Variants in TASP1 observed in about 807,000 individuals in gnomAD.
TASP1 encodes taspase 1.
In TASP1, 16 loss-of-function variants were observed where a neutral mutation model predicts 56.6. That is an observed-to-expected ratio of 0.28 (90% CI 0.19 to 0.43). The LOEUF (loss-of-function observed/expected upper bound fraction) is 0.43, where lower values mean the gene tolerates loss of function less well. TASP1 is among the 20% of genes least tolerant of loss of function. The pLI, the probability that TASP1 is intolerant of heterozygous loss-of-function variation, is 1.00. For missense variants in TASP1, 393 were observed against 511.6 expected (o/e 0.77, Z 2.24); for synonymous variants, 179 against 184.2 (o/e 0.97, Z 0.23).
chr20:13,550,907 G>T (rs2147007711), intron 8 of TASP1, among the ~76,000 whole-genome samples: 1 of 152,148 alleles, frequency 6.6e-6, no homozygotes, highest in African/African-American at 2.4e-5. Flanking sequence ...TATTTTCTTT[G>T]ATCTTAGCCT....
chr20:13,204,544 T>G, the TASP1 span, among the ~76,000 whole-genome samples: 1 of 151,004 alleles, frequency 6.6e-6, no homozygotes, highest in Non-Finnish European at 1.5e-5. Flanking sequence ...TATATATATA[T>G]ATGTATATTT....
downstream of TASP1, among the ~76,000 whole-genome samples, chr20:13,388,980 C>T (rs2041185318): frequency 6.6e-6 from 1 of 152,140 alleles, no homozygotes; most frequent in Non-Finnish European, 1.5e-5. Context: ...GGCACTTCCT[C>T]CCCCTGAGCA....
At chr20:13,633,424 T>TA (rs1311883651) in intron 1 of TASP1, among the ~76,000 whole-genome samples, 2 of 152,162 alleles carry the variant, frequency 1.3e-5, no homozygotes, top group African/African-American at 4.8e-5. Context: ...GAATTATTTA[T>TA]AAAAAAATTT....
At chr20:13,594,660 A>T (rs751027199) in intron 4 of TASP1, among the ~76,000 whole-genome samples, 8 of 152,216 alleles carry the variant, frequency 5.3e-5, no homozygotes, top group Non-Finnish European at 8.8e-5. Flanking sequence ...ATAAAGTGAG[A>T]AGACAAGAAT....
the TASP1 span, among the ~76,000 whole-genome samples, chr20:13,248,881 G>A: frequency 2.0e-5 from 3 of 152,186 alleles, no homozygotes; most frequent in East Asian, 5.8e-4. Flanking sequence ...AGGGACAAAT[G>A]GAAAGCAAGG....
chr20:13,279,720 C>T, the TASP1 span: 1 of 1,613,996 alleles, frequency 6.2e-7, no homozygotes, highest in East Asian at 2.2e-5. Context: ...CAGTCCCATC[C>T]CCCGACTGGC....
At chr20:13,621,721 G>C (rs1170230094) in intron 4 of TASP1, among the ~76,000 whole-genome samples, 5 of 152,086 alleles carry the variant, frequency 3.3e-5, no homozygotes, top group African/African-American at 4.8e-5. Context: ...AACACTAGGG[G>C]AAAATAGAAT....
At chr20:13,606,763 C>T (rs1387677534) in intron 4 of TASP1, among the ~76,000 whole-genome samples, 6 of 149,518 alleles carry the variant, frequency 4.0e-5, no homozygotes, top group Admixed American at 1.3e-4. Context: ...GCCGAGATCA[C>T]GCCACTGCAC....
At chr20:13,400,088 CACAA>C (rs1165251432) in intron 13 of TASP1, among the ~76,000 whole-genome samples, 1 of 152,210 alleles carries the variant, frequency 6.6e-6, no homozygotes, top group Admixed American at 6.5e-5. Flanking sequence ...TAGCACTTAT[CACAA>C]ACATAGTATA....
chr20:13,512,228 T>C (rs2044357847), intron 10 of TASP1, among the ~76,000 whole-genome samples: 1 of 152,156 alleles, frequency 6.6e-6, no homozygotes, highest in Non-Finnish European at 1.5e-5. Flanking sequence ...ACCAACAGTG[T>C]AAAAGTGTTC....
intron 1 of TASP1, among the ~76,000 whole-genome samples, chr20:13,637,779 T>C (rs544205495): frequency 6.6e-6 from 1 of 152,252 alleles, no homozygotes; most frequent in South Asian, 2.1e-4. Context: ...AGGATTTCTT[T>C]TGGGGGTGAT....
At chr20:13,617,299 G>A (rs1156535405) in intron 4 of TASP1, among the ~76,000 whole-genome samples, 1 of 151,970 alleles carries the variant, frequency 6.6e-6, no homozygotes, top group East Asian at 1.9e-4. Context: ...AGCACCTAAG[G>A]TCAAAACTCA....
the TASP1 span, among the ~76,000 whole-genome samples, chr20:13,337,656 A>T: frequency 6.6e-6 from 1 of 152,242 alleles, no homozygotes; most frequent in African/African-American, 2.4e-5. Flanking sequence ...CTTGGTCACC[A>T]GGTGGTAACC....
intron 13 of TASP1, among the ~76,000 whole-genome samples, chr20:13,398,779 G>A (rs2041635632): frequency 6.6e-6 from 1 of 152,128 alleles, no homozygotes; most frequent in Non-Finnish European, 1.5e-5. Flanking sequence ...AAGTGAAGCA[G>A]CTGGTTGCAC....
the TASP1 span, among the ~76,000 whole-genome samples, chr20:13,326,177 T>A: frequency 1.3e-5 from 2 of 152,216 alleles, no homozygotes; most frequent in African/African-American, 4.8e-5. Context: ...TAGCATTCCA[T>A]GTATGGATGC....
At chr20:13,384,553 A>G (rs1199467763), downstream of TASP1, among the ~76,000 whole-genome samples, 1 of 152,212 alleles carries the variant, frequency 6.6e-6, no homozygotes, top group African/African-American at 2.4e-5. Context: ...GTTTCTGATC[A>G]TAGACATCTG....
the TASP1 span, among the ~76,000 whole-genome samples, chr20:13,253,067 G>C: frequency 3.3e-5 from 5 of 152,172 alleles, no homozygotes; most frequent in African/African-American, 1.2e-4. Context: ...GACACACAGC[G>C]AGGGAGAAAT....
chr20:13,315,280 A>G, the TASP1 span, among the ~76,000 whole-genome samples: 5 of 152,054 alleles, frequency 3.3e-5, no homozygotes, highest in African/African-American at 9.6e-5. Flanking sequence ...AACAAGACTC[A>G]ACTATATGCT....
At chr20:13,318,390 T>C in the TASP1 span, among the ~76,000 whole-genome samples, 1 of 152,196 alleles carries the variant, frequency 6.6e-6, no homozygotes, top group South Asian at 2.1e-4. Flanking sequence ...GAATTCAAAA[T>C]GGCGTGACCA....
Sources: allele counts gnomAD v4.1 joint callset (sites outside exome capture counted in the v4.1 genomes callset), GRCh38; gene constraint gnomAD v4.1.1; transcripts MANE v1.5; gene names NCBI Gene and HGNC (gene_info 2026-07-23, HGNC 2026-07-21).